The following FAM135A variants were observed in gnomAD, a reference collection of about 807,000 sequenced individuals.
FAM135A encodes the protein protein FAM135A.
Under a neutral mutation model 146.8 loss-of-function variants are expected in FAM135A, and 79 were observed. The observed-to-expected ratio is 0.54, with a 90% confidence interval of 0.45 to 0.65. The LOEUF is 0.65. FAM135A is among the 30% of genes least tolerant of loss of function. The probability of loss-of-function intolerance (pLI) is 0.00; values close to 1 mark genes in which losing one functional copy is unlikely to be tolerated. For synonymous variants in FAM135A, 562 were observed against 603.6 expected (o/e 0.93, Z 1.01); for missense variants, 1,623 against 1,758.2 (o/e 0.92, Z 1.38).
intron 5 of FAM135A, among the ~76,000 whole-genome samples, chr6:70,475,174 C>T (rs967581592): frequency 6.6e-6 from 1 of 152,166 alleles, no homozygotes; most frequent in Non-Finnish European, 1.5e-5. Context: ...GATATTTCCT[C>T]ATTTACCTTT....
At position 70,548,604 on chromosome 6, in the gene FAM135A, A is replaced by G. The variant is rs143219799; in HGVS notation, c.4229-8146A>G. Among the ~76,000 whole-genome samples, 583 of 152,330 alleles carry G rather than the reference A, an allele frequency of 3.8e-3. 6 individuals are homozygous for G. Among genetic ancestry groups the G allele is most frequent in the African/African-American group, 0.011 (473 of 41,590 alleles). ...AACCTTAGTGTTGTTTCTCTAGAGA[A>G]GTACATCAGAATCTCTGTAAAGAGC... On this transcript the variant is annotated intron_variant, in intron 20 of 21. Coordinates refer to ENST00000418814, the MANE Select transcript of FAM135A (RefSeq NM_001162529.3).
chr6:70,492,676 T>G (rs1171957749), intron 11 of FAM135A, among the ~76,000 whole-genome samples: 1 of 145,006 alleles, frequency 6.9e-6, no homozygotes, highest in Admixed American at 6.8e-5. Context: ...AAAAAAAGGA[T>G]ACAATGAGGC....
chr6:70,509,867 G>A (rs2207425), intron 12 of FAM135A, among the ~76,000 whole-genome samples: 19,174 of 152,056 alleles, frequency 0.13, 1,483 homozygotes, highest in Middle Eastern at 0.19. Context: ...TATTAAAAAC[G>A]AAGTAAATTA....
At chr6:70,536,749 A>T (rs1796863162) in intron 19 of FAM135A, among the ~76,000 whole-genome samples, 1 of 152,110 alleles carries the variant, frequency 6.6e-6, no homozygotes, top group Non-Finnish European at 1.5e-5. Flanking sequence ...CCTACATTTA[A>T]TACATTATCA....
At chr6:70,539,428 T>C (rs182911239) in intron 20 of FAM135A, among the ~76,000 whole-genome samples, 73 of 152,298 alleles carry the variant, frequency 4.8e-4, no homozygotes, top group Non-Finnish European at 7.8e-4. Flanking sequence ...TGAGCATGAC[T>C]GTGTTTCAGA....
At position 70,453,451 on chromosome 6, in the gene FAM135A, A is replaced by G. The variant is rs537736787; in HGVS notation, c.157+880A>G. ...TATTATACTTTAAGTTCTAGGATAC[A>G]TGTGCACAACATGCAGGTTTGTTTG... On this transcript the variant is annotated intron_variant, in intron 5 of 21. Coordinates refer to ENST00000418814, the MANE Select transcript of FAM135A (RefSeq NM_001162529.3). 2.6e-5 allele frequency among the ~76,000 whole-genome samples: 4 copies of G among 152,244 alleles called. No homozygotes were observed. In the East Asian group the frequency reaches 7.7e-4, roughly 29 times the overall value.
chr6:70,538,760 C>G (rs1363618211), intron 20 of FAM135A, among the ~76,000 whole-genome samples: 1 of 149,340 alleles, frequency 6.7e-6, no homozygotes, highest in Non-Finnish European at 1.5e-5. Context: ...AATCCTCACC[C>G]CTTTTTATAA....
intron 5 of FAM135A, among the ~76,000 whole-genome samples, chr6:70,459,055 T>C (rs1778919827): frequency 6.6e-6 from 1 of 152,202 alleles, no homozygotes; most frequent in Admixed American, 6.5e-5. Flanking sequence ...TAAATAGCTT[T>C]ATATAGGATG....
chr6:70,486,202 C>T, intron 10 of FAM135A: 3 of 1,613,826 alleles, frequency 1.9e-6, no homozygotes, highest in Non-Finnish European at 2.5e-6. Flanking sequence ...TGAGCGTCTT[C>T]TCAGAAGAAA....
intron 19 of FAM135A, among the ~76,000 whole-genome samples, chr6:70,537,236 G>C (rs1457748462): frequency 6.6e-6 from 1 of 152,044 alleles, no homozygotes; most frequent in Non-Finnish European, 1.5e-5. Flanking sequence ...GCCTGGCCTT[G>C]ATTTGCCTTT....
At chr6:70,512,101 T>A (rs1791120037) in intron 12 of FAM135A, among the ~76,000 whole-genome samples, 2 of 151,968 alleles carry the variant, frequency 1.3e-5, no homozygotes, top group Non-Finnish European at 2.9e-5. Context: ...CAAAATGACT[T>A]TGTGCTGCTT....
At chr6:70,440,773 TA>T (rs1262560470) in intron 4 of FAM135A, among the ~76,000 whole-genome samples, 3 of 152,280 alleles carry the variant, frequency 2.0e-5, no homozygotes, top group Admixed American at 1.3e-4. Context: ...AACTTTTTCT[TA>T]GTATTACTTA....
At chr6:70,488,393 T>G (rs946396642) in intron 10 of FAM135A, among the ~76,000 whole-genome samples, 27 of 151,998 alleles carry the variant, frequency 1.8e-4, no homozygotes, top group African/African-American at 6.5e-4. Flanking sequence ...AACTCATATG[T>G]GTATATGTAT....
At chr6:70,445,701 C>T (rs978530691) in intron 4 of FAM135A, among the ~76,000 whole-genome samples, 2 of 152,176 alleles carry the variant, frequency 1.3e-5, no homozygotes, top group African/African-American at 4.8e-5. Flanking sequence ...AGTTTTCCAC[C>T]CTGGGTGGGC....
At chr6:70,520,997 C>T (rs773898913) in intron 12 of FAM135A, among the ~76,000 whole-genome samples, 1 of 152,218 alleles carries the variant, frequency 6.6e-6, no homozygotes, top group Non-Finnish European at 1.5e-5. Context: ...ACAGGTTTAT[C>T]GCCTACTAGC....
chr6:70,535,864 G>A (rs10945229), intron 18 of FAM135A: 12,520 of 153,834 alleles, frequency 0.081, 690 homozygotes, highest in Non-Finnish European at 0.13. Flanking sequence ...CCAAGTTGTC[G>A]TTTATAAATA....
intron 20 of FAM135A, among the ~76,000 whole-genome samples, chr6:70,556,185 G>C (rs971964116): frequency 6.6e-6 from 1 of 151,968 alleles, no homozygotes; most frequent in South Asian, 2.1e-4. Context: ...GGAGGCAGAG[G>C]TTGCAGTGAG....
intron 4 of FAM135A, among the ~76,000 whole-genome samples, chr6:70,437,314 A>G (rs2127889399): frequency 6.6e-6 from 1 of 152,266 alleles, no homozygotes; most frequent in South Asian, 2.1e-4. Context: ...ACGTTTCTTC[A>G]TATTAATAAA....
In FAM135A at chr6:70,523,981, T is replaced by C; in HGVS notation, c.1118T>C (p.Leu373Pro). ...AYQELHAQSH[L>P]QMCTAIKNTS... ...ATATTTTTCAGTGCTCAGAGTCATC[T>C]ACAGATGTGCACCGCTATCAAAAAT... Residue 373 changes from leucine to proline, a missense_variant, in exon 14 of 22, where the codon CTA (leucine) becomes CCA (proline). Coordinates refer to ENST00000418814, the MANE Select transcript of FAM135A (RefSeq NM_001162529.3). The C allele has an allele frequency of 6.2e-7, 1 of 1,610,654 alleles. No homozygotes were observed. Among genetic ancestry groups the C allele is most frequent in the Non-Finnish European group, 8.5e-7 (1 of 1,178,964 alleles).
Sources: allele counts gnomAD v4.1 joint callset (sites outside exome capture counted in the v4.1 genomes callset), GRCh38; gene constraint gnomAD v4.1.1; transcripts MANE v1.5; gene names NCBI Gene and HGNC (gene_info 2026-07-23, HGNC 2026-07-21).